The following SLC17A7 variants were observed in gnomAD, a reference collection of about 807,000 sequenced individuals.
SLC17A7 encodes solute carrier family 17 member 7, also known as vesicular glutamate transporter 1.
SLC17A7 carries 15 observed loss-of-function variants against 59.1 expected under a neutral mutation model. That is an observed-to-expected ratio of 0.25 (90% CI 0.17 to 0.39). The LOEUF (loss-of-function observed/expected upper bound fraction) is 0.39. SLC17A7 is among the 10% of genes least tolerant of loss of function. The pLI, the probability that SLC17A7 is intolerant of heterozygous loss-of-function variation, is 1.00. For synonymous variants in SLC17A7, 353 were observed against 308.9 expected (o/e 1.14, Z -1.50); for missense variants, 499 against 765.1 (o/e 0.65, Z 4.10).
In SLC17A7 at chr19:49,441,408, G is replaced by A. The variant is rs747200738; in HGVS notation, c.-29C>T. The A allele has an allele frequency of 3.4e-6, 5 of 1,488,262 alleles. No individual in the cohort carries two copies. The highest frequency in any genetic ancestry group is 2.5e-5 in the South Asian group (2 of 80,166). The allele number at this position is 1,488,262 out of a possible 1,614,324, so 92.2% of individuals were successfully genotyped here. A position where few individuals can be genotyped will look rare whatever the true frequency, so the allele number is the denominator to read the frequency against. On this transcript the variant is annotated 5_prime_UTR_variant, in exon 1 of 12. Transcript: ENST00000221485. ...GGCGGCTCCTGCCGCCGGTCACCCCGCGGGTCCCCCCCGCCGATCCCCCCG... is the reference window on the plus strand; with the variant it reads ...GGCGGCTCCTGCCGCCGGTCACCCCACGGGTCCCCCCCGCCGATCCCCCCG...
chr19:49,434,249 T>C (rs541781274), intron 5 of SLC17A7, among the ~76,000 whole-genome samples: 1 of 131,106 alleles, frequency 7.6e-6, no homozygotes, highest in Admixed American at 7.9e-5. Flanking sequence ...GACCCAGGAG[T>C]CCAGGCCCCC....
At chr19:49,432,399 G>T in intron 9 of SLC17A7, 120 bp downstream of exon 9, 1 of 1,357,078 alleles carries the variant, frequency 7.4e-7, no homozygotes. Context: ...CCTTTGCATA[G>T]AAAGGGACTC....
Position 49,441,431 on chromosome 19 carries a change from C to T in SLC17A7, c.-52G>A. The stretch of plus-strand genomic sequence containing the variant: ...CCGCGGGTCCCCCCCGCCGATCCCC[C>T]CGCCCGCGGGCCCGGGCGGCCGCGT... On this transcript the variant is annotated 5_prime_UTR_variant, in exon 1 of 12. Coordinates refer to ENST00000221485, the MANE Select transcript of SLC17A7 (RefSeq NM_020309.4). 2.9e-6 allele frequency: 4 copies of T among 1,397,106 alleles called. No homozygotes were observed. Among genetic ancestry groups the T allele is most frequent in the Non-Finnish European group, 3.7e-6 (4 of 1,073,334 alleles). 86.5% of individuals were successfully genotyped at this position (1,397,106 alleles called of 1,614,324 possible). A position where few individuals can be genotyped will look rare whatever the true frequency, so the allele number is the denominator to read the frequency against.
In SLC17A7 at chr19:49,434,776, A is replaced by G. The variant is rs983103137; in HGVS notation, c.541T>C (p.Leu181=). 6.8e-6 allele frequency: 11 copies of G among 1,613,996 alleles called. No individual in the cohort carries two copies. Among genetic ancestry groups the G allele is most frequent in the Admixed American group, 1.7e-5 (1 of 60,008 alleles). ...CVIFVRILQG[L]VEGVTYPACH... The stretch of plus-strand genomic sequence containing the variant: ...ATCAGGCGGGGATTTACCTCTACCA[A>G]CCCCTGCAGGATCCTCACGAAGATG... Residue 181 remains leucine (L), a synonymous_variant, in exon 4 of 12, where the codon TTG becomes CTG. Transcript: ENST00000221485.
Position 49,430,501 on chromosome 19 carries a change from T to C in SLC17A7, c.*18A>G, listed in dbSNP as rs551092437. 1.1e-5 allele frequency: 17 copies of C among 1,537,750 alleles called. No individual in the cohort carries two copies. In the South Asian group the frequency reaches 2.1e-4, roughly 19 times the overall value. ...GAATGGAGGTCCTGGAAACTGCCATTCAGTGGGAGGCACATGGTCAGTAGT... is the reference window on the plus strand; with the variant it reads ...GAATGGAGGTCCTGGAAACTGCCATCCAGTGGGAGGCACATGGTCAGTAGT... On this transcript the variant is annotated 3_prime_UTR_variant, in exon 12 of 12. Coordinates refer to ENST00000221485, the MANE Select transcript of SLC17A7 (RefSeq NM_020309.4).
Position 49,430,593 on chromosome 19 carries a change from G to T in SLC17A7, c.1609C>A (p.Pro537Thr), listed in dbSNP as rs753554025. The T allele has an allele frequency of 1.2e-6, 2 of 1,612,498 alleles. No individual in the cohort carries two copies. Among genetic ancestry groups the T allele is most frequent in the Admixed American group, 1.7e-5 (1 of 59,962 alleles). The change falls in exon 12 of 12, where the codon CCC becomes ACC. Residue 537 changes from proline (P) to threonine (T), a missense_variant. By Grantham distance (38) the Pro-to-Thr change is conservative. Transcript: ENST00000221485. The part of the protein sequence containing the change: ...EAEPPGAPPA[P>T]PPSYGATHST... ...TGTGTGGCCCCATAGGAGGGCGGGGGTGCAGGGGGTGCCCCCGGGGGCTCA... is the reference window on the plus strand; with the variant it reads ...TGTGTGGCCCCATAGGAGGGCGGGGTTGCAGGGGGTGCCCCCGGGGGCTCA...
In SLC17A7 at chr19:49,436,847, C is replaced by A; in HGVS notation, c.63-46G>T. On this transcript the variant is annotated intron_variant, in intron 1 of 11. Transcript: ENST00000221485. This position sits in a 1 kb window ranked among gnomAD's most constrained non-coding sequence, Gnocchi z 4.1. The stretch of plus-strand genomic sequence containing the variant: ...GAGACTCGGAAGTCCAGGCCCCCAG[C>A]CCCCTCACCCCCAAGACCAGGATCC... The A allele has an allele frequency of 1.3e-6, 2 of 1,584,118 alleles. No homozygotes were observed. Among genetic ancestry groups the A allele is most frequent in the Non-Finnish European group, 1.7e-6 (2 of 1,171,380 alleles).
chr19:49,433,396 G>A lies in SLC17A7; in HGVS notation c.867+330C>T, dbSNP rs1020298103. 2 of 467,988 alleles carry A rather than the reference G, an allele frequency of 4.3e-6. No homozygotes were observed. The highest frequency in any genetic ancestry group is 3.9e-5 in the African/African-American group (2 of 50,704). The allele number at this position is 467,988 out of a possible 1,614,324, so 29.0% of individuals were successfully genotyped here. A position where few individuals can be genotyped will look rare whatever the true frequency, so the allele number is the denominator to read the frequency against. On this transcript the variant is annotated intron_variant, in intron 7 of 11. Transcript: ENST00000221485. The surrounding 1 kb of genome is among the most constrained non-coding windows in gnomAD (Gnocchi z 5.7). ...GGCGGAAGCCACTGAGCCTGCCCTA[G>A]GAGTCTCTTTTTATCAAAAATGCTC...
chr19:49,433,623 C>G lies in SLC17A7; in HGVS notation c.867+103G>C. The stretch of plus-strand genomic sequence containing the variant: ...AGCCCCTCTCTTTGCGTTCCAGTCC[C>G]GTCTCCTCTAGAGTCTGCAGGAACC... On this transcript the variant is annotated intron_variant, in intron 7 of 11. Transcript: ENST00000221485. This position sits in a 1 kb window ranked among gnomAD's most constrained non-coding sequence, Gnocchi z 5.7. 2 of 1,527,364 alleles carry G rather than the reference C, an allele frequency of 1.3e-6. No individual in the cohort carries two copies. The highest frequency in any genetic ancestry group is 1.2e-5 in the South Asian group (1 of 86,886). 94.6% of individuals were successfully genotyped at this position (1,527,364 alleles called of 1,614,324 possible).
Position 49,431,407 on chromosome 19 carries a change from A to T in SLC17A7, c.1192T>A (p.Ser398Thr). ...EATLLLVVGY[S>T]HSKGVAISFL... ...GAGATGGCCACGCCCTTGGAGTGCG[A>T]GTAGCCGACCACCAACAGCAGCGTG... The change falls in exon 10 of 12, where the codon TCG becomes ACG. Residue 398 changes from serine to threonine, a missense_variant. Ser to Thr is a moderately conservative substitution (Grantham distance 58, BLOSUM62 1). Around this residue, in one of 3 missense-constraint regions of SLC17A7, gnomAD observed 323 missense variants for 607.2 expected, o/e 0.53. Transcript: ENST00000221485. This position sits in a 1 kb window ranked among gnomAD's most constrained non-coding sequence, Gnocchi z 4.6. 1 of 1,614,116 alleles carries T rather than the reference A, an allele frequency of 6.2e-7. No homozygotes were observed. The highest frequency in any genetic ancestry group is 8.5e-7 in the Non-Finnish European group (1 of 1,180,008).
Position 49,441,442 on chromosome 19 carries a change from C to A in SLC17A7, c.-63G>T. On this transcript the variant is annotated 5_prime_UTR_variant, in exon 1 of 12. Transcript: ENST00000221485. ...CCCCGCCGATCCCCCCGCCCGCGGG[C>A]CCGGGCGGCCGCGTCCGGGTTCCCG... 3 of 1,300,954 alleles carry A rather than the reference C, an allele frequency of 2.3e-6. No individual in the cohort carries two copies. The highest frequency in any genetic ancestry group is 1.9e-6 in the Non-Finnish European group (2 of 1,028,044). The allele number at this position is 1,300,954 out of a possible 1,614,324, so 80.6% of individuals were successfully genotyped here. A position where few individuals can be genotyped will look rare whatever the true frequency, so the allele number is the denominator to read the frequency against.
At chr19:49,434,116 G>T (rs1001025599) in intron 5 of SLC17A7, 70 bp from the exon 6 acceptor site, 28 of 1,002,414 alleles carry the variant, frequency 2.8e-5, no homozygotes, top group Non-Finnish European at 4.1e-5. Context: ...GACCCCCACC[G>T]CTTCCCCCTT....
chr19:49,433,445 G>C lies in SLC17A7; in HGVS notation c.867+281C>G, dbSNP rs1274295955. On this transcript the variant is annotated intron_variant, in intron 7 of 11. Transcript: ENST00000221485. This position sits in a 1 kb window ranked among gnomAD's most constrained non-coding sequence, Gnocchi z 5.7. ...TCCCAAAATACAGCCTCAACTCAAG[G>C]TCTAAGCAAAACCCCCACATTCTAA... 1 of 551,522 alleles carries C rather than the reference G, an allele frequency of 1.8e-6. No homozygotes were observed. Among genetic ancestry groups the C allele is most frequent in the Non-Finnish European group, 3.3e-6 (1 of 301,408 alleles). The allele number at this position is 551,522 out of a possible 1,614,324, so 34.2% of individuals were successfully genotyped here. A position where few individuals can be genotyped will look rare whatever the true frequency, so the allele number is the denominator to read the frequency against.
chr19:49,434,761 G>C lies in SLC17A7; in HGVS notation c.549+7C>G. The C allele has an allele frequency of 6.2e-7, 1 of 1,614,118 alleles. No homozygotes were observed. The highest frequency in any genetic ancestry group is 8.5e-7 in the Non-Finnish European group (1 of 1,179,978). On this transcript the variant is annotated splice_region_variant and intron_variant, in intron 4 of 11. Transcript: ENST00000221485. ...CGAGGGCAGGGTCATATCAGGCGGG[G>C]ATTTACCTCTACCAACCCCTGCAGG...
rs990471035 is a variant in SLC17A7, at chr19:49,431,675, T to G, written c.1151-227A>C. Reference sequence around the variant, plus strand: ...GCCCTGACCACGCCCACCAGCTCCATCGCCCCTCCCGTAGCTCCACCCCTT... The same window carrying G: ...GCCCTGACCACGCCCACCAGCTCCAGCGCCCCTCCCGTAGCTCCACCCCTT... On this transcript the variant is annotated intron_variant, in intron 9 of 11. Coordinates refer to ENST00000221485, the MANE Select transcript of SLC17A7 (RefSeq NM_020309.4). The surrounding 1 kb of genome is among the most constrained non-coding windows in gnomAD (Gnocchi z 4.6). Among the ~76,000 whole-genome samples, 20 of 151,866 alleles carry G rather than the reference T, an allele frequency of 1.3e-4. No homozygotes were observed. Among genetic ancestry groups the G allele is most frequent in the Admixed American group, 2.6e-4 (4 of 15,246 alleles).
In SLC17A7 at chr19:49,431,302, C is replaced by T. The variant is rs776884876; in HGVS notation, c.1261+36G>A. 8 of 1,608,550 alleles carry T rather than the reference C, an allele frequency of 5.0e-6. No individual in the cohort carries two copies. The South Asian group carries it at 7.7e-5, about 16-fold the overall frequency. Reference sequence around the variant, plus strand: ...GCCAGGAAGTTCCCTACAGAGCTGACCAGAGTCCCCCAAGCTGCGGATCCG... The same window carrying T: ...GCCAGGAAGTTCCCTACAGAGCTGATCAGAGTCCCCCAAGCTGCGGATCCG... On this transcript the variant is annotated intron_variant, in intron 10 of 11. Transcript: ENST00000221485. This position sits in a 1 kb window ranked among gnomAD's most constrained non-coding sequence, Gnocchi z 4.6.
chr19:49,436,567 C>A lies in SLC17A7; in HGVS notation c.297G>T (p.Gly99=). The change falls in exon 2 of 12, where the codon GGG becomes GGT. Residue 99 remains glycine (G), a synonymous_variant. Transcript: ENST00000221485. This position sits in a 1 kb window ranked among gnomAD's most constrained non-coding sequence, Gnocchi z 4.1. ...GAGCTACCTGCACCACCACGTGGCC[C>A]CCGCGGTGGGTCGTGCTGTTATTGA... ...SMVNNSTTHR[G]GHVVVQKAQF... 6.2e-7 allele frequency: 1 copy of A among 1,613,656 alleles called. No individual in the cohort carries two copies.
At chr19:49,441,113 G>T (rs1328220540) in intron 1 of SLC17A7, among the ~76,000 whole-genome samples, 1 of 152,092 alleles carries the variant, frequency 6.6e-6, no homozygotes, top group Non-Finnish European at 1.5e-5. Context: ...GCCGGGTGGG[G>T]TGGGGTGCAG....
At position 49,433,498 on chromosome 19, in the gene SLC17A7, C is replaced by T; in HGVS notation, c.867+228G>A. The T allele has an allele frequency of 1.5e-6, 1 of 689,208 alleles. No individual in the cohort carries two copies. The highest frequency in any genetic ancestry group is 2.6e-6 in the Non-Finnish European group (1 of 379,082). 42.7% of individuals were successfully genotyped at this position (689,208 alleles called of 1,614,324 possible). A position where few individuals can be genotyped will look rare whatever the true frequency, so the allele number is the denominator to read the frequency against. On this transcript the variant is annotated intron_variant, in intron 7 of 11. Transcript: ENST00000221485. This position sits in a 1 kb window ranked among gnomAD's most constrained non-coding sequence, Gnocchi z 5.7. Reference sequence around the variant, plus strand: ...CCTTCTCTGCTGGCTTTAACTATGCCCTGTCAGTGGTTCTAATCCTGCTCA... The same window carrying T: ...CCTTCTCTGCTGGCTTTAACTATGCTCTGTCAGTGGTTCTAATCCTGCTCA...
Sources: gnomAD v4.1 joint callset for allele counts (sites outside exome capture counted in the v4.1 genomes callset) on GRCh38, gnomAD v4.1.1 for gene constraint, gnomAD v4.1.1 regional missense constraint, Gnocchi (gnomAD v3.1) non-coding constraint, MANE v1.5 for transcripts, NCBI Gene and HGNC (gene_info 2026-07-23, HGNC 2026-07-21) for gene names.